KNDC1: variants seen among roughly 807,000 people sequenced by gnomAD.
The protein encoded by KNDC1 is kinase non-catalytic C-lobe domain containing 1, also known as kinase non-catalytic C-lobe domain-containing protein 1.
A neutral mutation model predicts 172.8 loss-of-function variants in KNDC1; 106 were observed. The observed-to-expected ratio is 0.61, with a 90% CI of 0.52 to 0.72. The LOEUF is 0.72. Among genes scored for constraint, KNDC1 ranks in the 30% least tolerant of loss-of-function variants. The probability of loss-of-function intolerance (pLI) is 0.00; values close to 1 mark genes in which losing one functional copy is unlikely to be tolerated. For missense variants in KNDC1, 2,325 were observed against 2,394.5 expected, an observed-to-expected ratio of 0.97 and a Z score of 0.61; for synonymous variants, 1,083 against 1,062.2, an observed-to-expected ratio of 1.02 and a Z score of -0.38.
intron 1 of KNDC1, 129 bp from the exon 2 acceptor site, chr10:133,167,252 C>A: frequency 1.2e-6 from 1 of 813,756 alleles, no homozygotes; most frequent in Non-Finnish European, 1.9e-6. Context: ...TGGTCTAAAG[C>A]CCTTTCCCTG....
In KNDC1 at chr10:133,206,883, A is replaced by G. The variant is rs1441699286; in HGVS notation, c.3509A>G (p.Lys1170Arg). Residue 1170 changes from lysine to arginine, a missense_variant, in exon 19 of 30, where the codon AAG becomes AGG. Physicochemically the swap from Lys to Arg is conservative, Grantham distance 26. Coordinates refer to ENST00000304613, the MANE Select transcript of KNDC1 (RefSeq NM_152643.8). Reference protein sequence around the residue: ...KGSDVKTMLSKLKGQLEEMKS... With the variant: ...KGSDVKTMLSRLKGQLEEMKS... ...TCCGACGTCAAGACCATGCTGTCCA[A>G]GCTGAAAGGGCAGCTAGAAGAAATG... 1.2e-6 allele frequency: 2 copies of G among 1,614,158 alleles called. No homozygotes were observed. The highest frequency in any genetic ancestry group is 2.7e-5 in the African/African-American group (2 of 75,070).
intron 3 of KNDC1, among the ~76,000 whole-genome samples, chr10:133,169,432 C>G (rs773415680): frequency 1.3e-5 from 2 of 152,226 alleles, no homozygotes; most frequent in Admixed American, 6.5e-5. Context: ...TGCACTCCAG[C>G]CTGGCTGACA....
intron 12 of KNDC1, among the ~76,000 whole-genome samples, chr10:133,198,095 C>T (rs1470493891): frequency 6.6e-6 from 1 of 152,200 alleles, no homozygotes; most frequent in Non-Finnish European, 1.5e-5. Flanking sequence ...GCAGGCCCCT[C>T]CAAGGCTTCT....
intron 3 of KNDC1, among the ~76,000 whole-genome samples, chr10:133,175,752 A>T (rs935221757): frequency 2.0e-5 from 3 of 148,528 alleles, no homozygotes; most frequent in African/African-American, 7.5e-5. Flanking sequence ...GGATGAGTGT[A>T]TGGATTAGTA....
chr10:133,167,642 G>T (rs1853217163), intron 2 of KNDC1, 63 bp downstream of exon 2: 5 of 1,493,456 alleles, frequency 3.3e-6, no homozygotes, highest in African/African-American at 1.4e-5. Flanking sequence ...CTTTCAGGGG[G>T]GATGTGAGCA....
chr10:133,174,664 A>T (rs1266439660), intron 3 of KNDC1, among the ~76,000 whole-genome samples: 1 of 150,042 alleles, frequency 6.7e-6, no homozygotes, highest in East Asian at 2.0e-4. Flanking sequence ...GAATGGACAG[A>T]TGATGGTGGA....
intron 1 of KNDC1, among the ~76,000 whole-genome samples, chr10:133,164,496 C>T (rs1189965973): frequency 6.6e-6 from 1 of 151,858 alleles, no homozygotes; most frequent in Non-Finnish European, 1.5e-5. Context: ...CGGCGCTGGG[C>T]AGACAGACAG....
chr10:133,199,231 G>T lies in KNDC1; in HGVS notation c.2723G>T (p.Gly908Val). ...ATCCAGGAGGAATTTGCCTTCGATGGCTACCTGGACAATGGGCTGGAGGCT... is the reference window on the plus strand; with the variant it reads ...ATCCAGGAGGAATTTGCCTTCGATGTCTACCTGGACAATGGGCTGGAGGCT... Reference protein sequence around the residue: ...RLIQEEFAFDGYLDNGLEALI... With the variant: ...RLIQEEFAFDVYLDNGLEALI... The change falls in exon 14 of 30, where the codon GGC becomes GTC. Residue 908 changes from glycine (G) to valine (V), a missense_variant. Gly to Val is a moderately radical substitution (Grantham distance 109). Coordinates refer to ENST00000304613, the MANE Select transcript of KNDC1 (RefSeq NM_152643.8). The T allele has an allele frequency of 1.3e-6, 2 of 1,571,756 alleles. No individual in the cohort carries two copies. Among genetic ancestry groups the T allele is most frequent in the Non-Finnish European group, 1.7e-6 (2 of 1,158,096 alleles).
At chr10:133,206,507 CCA>C (rs1392490080) in intron 17 of KNDC1, among the ~76,000 whole-genome samples, 176 bp from the exon 18 acceptor site, 1 of 151,692 alleles carries the variant, frequency 6.6e-6, no homozygotes, top group Non-Finnish European at 1.5e-5. Flanking sequence ...GCCCCCCAGA[CCA>C]CACTGCCCAG....
At chr10:133,213,418 T>C (rs1845411274) in intron 24 of KNDC1, among the ~76,000 whole-genome samples, 2 of 152,316 alleles carry the variant, frequency 1.3e-5, no homozygotes, top group South Asian at 4.1e-4. Flanking sequence ...GATGCCAATC[T>C]AGTGATCCAC....
intron 6 of KNDC1, among the ~76,000 whole-genome samples, chr10:133,187,959 C>T (rs1456758726): frequency 6.9e-6 from 1 of 143,950 alleles, no homozygotes; most frequent in Non-Finnish European, 1.5e-5. Flanking sequence ...CACCCTTCCC[C>T]TCCATGAGCT....
intron 17 of KNDC1, 108 bp downstream of exon 17, chr10:133,202,006 C>A: frequency 1.6e-6 from 2 of 1,239,220 alleles, no homozygotes; most frequent in Non-Finnish European, 2.3e-6. Flanking sequence ...GAGCCCCCAA[C>A]AGGGTGACAC....
At position 133,183,376 on chromosome 10, in the gene KNDC1, G is replaced by C. The variant is rs1430731792; in HGVS notation, c.393G>C (p.Lys131Asn). The C allele has an allele frequency of 1.9e-6, 3 of 1,596,624 alleles. No individual in the cohort carries two copies. Among genetic ancestry groups the C allele is most frequent in the Non-Finnish European group, 1.7e-6 (2 of 1,173,466 alleles). Reference sequence around the variant, plus strand: ...TCTACTCTCTGGGGGCCACGCTGAAGGCCGCCCTCGAGTACGTGGCAGAGC... The same window carrying C: ...TCTACTCTCTGGGGGCCACGCTGAACGCCGCCCTCGAGTACGTGGCAGAGC... The part of the protein sequence containing the change: ...AHIYSLGATL[K>N]AALEYVAEPT... The change falls in exon 4 of 30, where the codon AAG (lysine) becomes AAC (asparagine). Residue 131 changes from lysine (K) to asparagine (N), a missense_variant. Coordinates refer to ENST00000304613, the MANE Select transcript of KNDC1 (RefSeq NM_152643.8).
intron 6 of KNDC1, among the ~76,000 whole-genome samples, chr10:133,187,833 T>C (rs1371356849): frequency 1.3e-5 from 2 of 152,080 alleles, no homozygotes; most frequent in Admixed American, 6.5e-5. Context: ...ATTGGGTGTG[T>C]TCACGCTGTT....
At position 133,188,668 on chromosome 10, in the gene KNDC1, A is replaced by G; in HGVS notation, c.1441+15A>G. The G allele has an allele frequency of 6.7e-7, 1 of 1,490,498 alleles. No homozygotes were observed. Among genetic ancestry groups the G allele is most frequent in the Non-Finnish European group, 9.1e-7 (1 of 1,104,506 alleles). The allele number at this position is 1,490,498 out of a possible 1,614,324, so 92.3% of individuals were successfully genotyped here. A position where few individuals can be genotyped will look rare whatever the true frequency, so the allele number is the denominator to read the frequency against. ...TGAGCACCCAGGTGACGCACGCACC[A>G]TCCCATCCCCCCCGCCGTCCCCACC... On this transcript the variant is annotated intron_variant, in intron 7 of 29. Coordinates refer to ENST00000304613, the MANE Select transcript of KNDC1 (RefSeq NM_152643.8).
At chr10:133,217,438 C>T (rs552898950) in intron 26 of KNDC1, among the ~76,000 whole-genome samples, 5 of 152,352 alleles carry the variant, frequency 3.3e-5, no homozygotes, top group Admixed American at 6.5e-5. Context: ...GAGTTGAGCC[C>T]GGGGGCAGGC....
intron 26 of KNDC1, among the ~76,000 whole-genome samples, chr10:133,218,029 C>A (rs1845503141): frequency 6.6e-6 from 1 of 150,602 alleles, no homozygotes; most frequent in Admixed American, 6.6e-5. Context: ...CACTGCACTC[C>A]AGCCTGGGCC....
intron 28 of KNDC1, 98 bp downstream of exon 28, chr10:133,219,188 A>G: frequency 7.0e-6 from 10 of 1,422,472 alleles, no homozygotes; most frequent in Non-Finnish European, 9.7e-6. Flanking sequence ...CGCAGGCACC[A>G]CAGAGTGTGT....
chr10:133,212,613 C>T, intron 23 of KNDC1, 103 bp from the exon 24 acceptor site: 1 of 943,702 alleles, frequency 1.1e-6, no homozygotes, highest in South Asian at 1.6e-5. Context: ...GAGTACTGGG[C>T]TTGCACCTGG....
Sources: allele counts gnomAD v4.1 joint callset (sites outside exome capture counted in the v4.1 genomes callset), GRCh38; gene constraint gnomAD v4.1.1; transcripts MANE v1.5; gene names NCBI Gene and HGNC (gene_info 2026-07-23, HGNC 2026-07-21).